Variants in RALGPS2 observed in about 807,000 individuals in gnomAD.
RALGPS2 encodes ras-specific guanine nucleotide-releasing factor RalGPS2.
In RALGPS2, 43 loss-of-function variants were observed where a neutral mutation model predicts 86.8. That is an observed-to-expected ratio of 0.50 (90% CI 0.39 to 0.64). The LOEUF (loss-of-function observed/expected upper bound fraction) is 0.64, where lower values mean the gene tolerates loss of function less well. Among genes scored for constraint, RALGPS2 ranks in the 30% least tolerant of loss-of-function variants. The pLI is 0.00. For synonymous variants in RALGPS2, 243 were observed against 231.3 expected, an observed-to-expected ratio of 1.05 and a Z score of -0.46; for missense variants, 536 against 694.6, an observed-to-expected ratio of 0.77 and a Z score of 2.57.
chr1:178,854,135 A>G (rs554036037), intron 8 of RALGPS2, among the ~76,000 whole-genome samples: 10 of 152,148 alleles, frequency 6.6e-5, no homozygotes, highest in African/African-American at 2.4e-4. Flanking sequence ...TTATCCTTCT[A>G]TCATTGGACA....
At chr1:178,892,438 GAA>G (rs1295122836) in intron 15 of RALGPS2, 131 bp downstream of exon 15, 1 of 705,402 alleles carries the variant, frequency 1.4e-6, no homozygotes, top group Non-Finnish European at 2.3e-6. Context: ...AAATTACCTA[GAA>G]AAACTTTCTT....
At chr1:178,794,530 C>A (rs1478947232) in intron 4 of RALGPS2, among the ~76,000 whole-genome samples, 1 of 152,132 alleles carries the variant, frequency 6.6e-6, no homozygotes, top group Admixed American at 6.5e-5. Flanking sequence ...CATGTTATTA[C>A]ATTTAGAGGA....
chr1:178,912,352 C>T (rs1660659023), intron 19 of RALGPS2, among the ~76,000 whole-genome samples: 1 of 152,128 alleles, frequency 6.6e-6, no homozygotes, highest in African/African-American at 2.4e-5. Context: ...TGTAGCACTC[C>T]TTAAAGGACC....
At chr1:178,874,626 T>C (rs1572438830) in intron 8 of RALGPS2, among the ~76,000 whole-genome samples, 2 of 152,316 alleles carry the variant, frequency 1.3e-5, no homozygotes, top group East Asian at 3.9e-4. Flanking sequence ...CTGTGCTACT[T>C]TTTTATATCT....
Position 178,808,065 on chromosome 1 carries a change from G to A in RALGPS2, c.234G>A (p.Trp78Ter). The stretch of plus-strand genomic sequence containing the variant: ...TCCAGGAGCTTTCAAGTTGTGGATG[G>A]AATAAAAAAGAAAAATATAGTTCTG... ...IQPDELSSCG[W>*]NKKEKYSSAP... is the part of the protein sequence containing the mutation. Residue 78 changes from tryptophan (W) to a stop codon, truncating the protein, a stop_gained, in exon 5 of 20, where the codon TGG becomes TGA. Transcript: ENST00000367635. LOFTEE classifies it high-confidence loss of function. 6.2e-7 allele frequency: 1 copy of A among 1,609,252 alleles called. No individual in the cohort carries two copies. The highest frequency in any genetic ancestry group is 8.5e-7 in the Non-Finnish European group (1 of 1,176,372).
intron 8 of RALGPS2, chr1:178,852,907 T>A (rs367915584): frequency 6.2e-7 from 1 of 1,613,712 alleles, no homozygotes; most frequent in Non-Finnish European, 8.5e-7. Context: ...CATATAGATA[T>A]TTTCCAGTCC....
Position 178,833,697 on chromosome 1 carries a change from A to G in RALGPS2, c.607+147A>G, listed in dbSNP as rs2102249784. On this transcript the variant is annotated intron_variant, in intron 8 of 19. Coordinates refer to ENST00000367635, the MANE Select transcript of RALGPS2 (RefSeq NM_152663.5). The stretch of plus-strand genomic sequence containing the variant: ...GGTAAGCTGAAAAAAATGACTAAAG[A>G]TAGTTGTTACCCTGTTACCTGGAAT... 1.5e-6 allele frequency: 2 copies of G among 1,328,760 alleles called. No individual in the cohort carries two copies. The highest frequency in any genetic ancestry group is 1.9e-6 in the Non-Finnish European group (2 of 1,034,994). The allele number at this position is 1,328,760 out of a possible 1,614,324, so 82.3% of individuals were successfully genotyped here.
intron 9 of RALGPS2, among the ~76,000 whole-genome samples, chr1:178,878,134 T>TC (rs1055975926): frequency 6.6e-6 from 1 of 152,096 alleles, no homozygotes; most frequent in African/African-American, 2.4e-5. Flanking sequence ...AGTCAGACTA[T>TC]CGAGTAAATA....
intron 6 of RALGPS2, among the ~76,000 whole-genome samples, chr1:178,812,365 T>A (rs1393993443): frequency 6.6e-6 from 1 of 152,156 alleles, no homozygotes; most frequent in Non-Finnish European, 1.5e-5. Context: ...CTCAAGGAAG[T>A]ATCTCAGATA....
At chr1:178,914,453 A>G (rs1480732868) in intron 19 of RALGPS2, among the ~76,000 whole-genome samples, 1 of 151,858 alleles carries the variant, frequency 6.6e-6, no homozygotes, top group Non-Finnish European at 1.5e-5. Flanking sequence ...GAGTCCCAGC[A>G]CTCCACAGCC....
intron 4 of RALGPS2, among the ~76,000 whole-genome samples, chr1:178,805,801 A>G (rs1485026522): frequency 1.3e-5 from 2 of 152,150 alleles, no homozygotes; most frequent in African/African-American, 4.8e-5. Context: ...CTAAGTAACT[A>G]TATTTTTTAC....
chr1:178,877,293 A>G (rs1161919461), intron 8 of RALGPS2, among the ~76,000 whole-genome samples: 14 of 152,130 alleles, frequency 9.2e-5, no homozygotes, highest in Admixed American at 9.2e-4. Context: ...TATTACAAAA[A>G]ATTGGTATAT....
At chr1:178,915,815 G>A (rs968365237) in intron 19 of RALGPS2, among the ~76,000 whole-genome samples, 1 of 152,150 alleles carries the variant, frequency 6.6e-6, no homozygotes, top group Non-Finnish European at 1.5e-5. Context: ...TTTTAACATA[G>A]TGAAACTCTA....
chr1:178,848,558 C>T (rs1210521119), intron 8 of RALGPS2, among the ~76,000 whole-genome samples: 1 of 152,072 alleles, frequency 6.6e-6, no homozygotes, highest in African/African-American at 2.4e-5. Context: ...ATTTTTGGTC[C>T]AGCCACTTAA....
At chr1:178,847,021 CAAAG>C (rs1656898036) in intron 8 of RALGPS2, among the ~76,000 whole-genome samples, 1 of 152,100 alleles carries the variant, frequency 6.6e-6, no homozygotes, top group Non-Finnish European at 1.5e-5. Flanking sequence ...ATTCACAGCT[CAAAG>C]AAAGCATTAT....
At chr1:178,904,240 T>G (rs1660300421) in intron 18 of RALGPS2, among the ~76,000 whole-genome samples, 2 of 152,234 alleles carry the variant, frequency 1.3e-5, no homozygotes, top group Non-Finnish European at 2.9e-5. Context: ...CATTGTAGAT[T>G]CTAGATGTTA....
chr1:178,896,580 C>T (rs1659949734), intron 16 of RALGPS2, among the ~76,000 whole-genome samples: 1 of 149,324 alleles, frequency 6.7e-6, no homozygotes, highest in Non-Finnish European at 1.5e-5. Context: ...AACTCGTCAT[C>T]TAGCATTAGG....
rs549560090 is a variant in RALGPS2 at position 178,784,447 on chromosome 1, C to T, written c.87C>T (p.Asp29=). 6.2e-7 allele frequency: 1 copy of T among 1,605,166 alleles called. No individual in the cohort carries two copies. The highest frequency in any genetic ancestry group is 2.2e-5 in the East Asian group (1 of 44,766). The change falls in exon 3 of 20, where the codon GAC becomes GAT. Residue 29 remains aspartate (D), a synonymous_variant. Coordinates refer to ENST00000367635, the MANE Select transcript of RALGPS2 (RefSeq NM_152663.5). ...EKSSSSESLS[D]KGSELKKSFD... is the part of the protein sequence containing the mutation. ...GTAGCAGCTCTGAATCCTTAAGTGA[C>T]AAAGGCTCTGAATTGAAGAAAAGCT...
chr1:178,897,822 G>A, intron 17 of RALGPS2, 66 bp downstream of exon 17: 1 of 1,356,748 alleles, frequency 7.4e-7, no homozygotes, highest in Non-Finnish European at 1.0e-6. Context: ...AAAGAAAGCA[G>A]TCCTAATGGG....
Sources: gnomAD v4.1 joint callset for allele counts (sites outside exome capture counted in the v4.1 genomes callset) on GRCh38, gnomAD v4.1.1 for gene constraint, MANE v1.5 for transcripts, NCBI Gene and HGNC (gene_info 2026-07-23, HGNC 2026-07-21) for gene names.